ELMO1: variants seen among roughly 807,000 people sequenced by gnomAD.
The protein encoded by ELMO1 is engulfment and cell motility protein 1.
ELMO1 carries 26 observed loss-of-function variants against 98.9 expected under a neutral mutation model. That is an observed-to-expected ratio of 0.26 (90% CI 0.19 to 0.36). The LOEUF (loss-of-function observed/expected upper bound fraction) is 0.36, where lower values mean the gene tolerates loss of function less well. Among genes scored for constraint, ELMO1 ranks in the 10% least tolerant of loss-of-function variants. The pLI is 1.00. For synonymous variants in ELMO1, 346 were observed against 346.0 expected (o/e 1.00, Z 0.00); for missense variants, 627 against 935.2 (o/e 0.67, Z 4.30).
chr7:37,324,535 T>G (rs1799694278), intron 2 of ELMO1, among the ~76,000 whole-genome samples: 1 of 152,238 alleles, frequency 6.6e-6, no homozygotes, highest in African/African-American at 2.4e-5. Flanking sequence ...TTTTATTGAC[T>G]ACGTGTTTTT....
chr7:37,223,935 G>A (rs1038242042), intron 9 of ELMO1, among the ~76,000 whole-genome samples: 1 of 151,194 alleles, frequency 6.6e-6, no homozygotes, highest in Non-Finnish European at 1.5e-5. Flanking sequence ...GGGCCAATTG[G>A]GTTTCCTCTT....
intron 13 of ELMO1, among the ~76,000 whole-genome samples, chr7:37,204,652 C>T (rs949939849): frequency 3.9e-5 from 6 of 152,292 alleles, no homozygotes; most frequent in Non-Finnish European, 7.4e-5. Context: ...CATATCCTGC[C>T]GATTGGTCCA....
At chr7:36,861,623 C>G (rs574522203) in intron 21 of ELMO1, 36 bp downstream of exon 21, 2 of 1,585,726 alleles carry the variant, frequency 1.3e-6, no homozygotes, top group East Asian at 4.5e-5. Context: ...GAAAAGATAA[C>G]ATTATCTCAT....
chr7:37,378,157 G>C (rs10253553), intron 1 of ELMO1, among the ~76,000 whole-genome samples: 27,283 of 152,128 alleles, frequency 0.18, 3,095 homozygotes, highest in East Asian at 0.59. Flanking sequence ...CTGATGGCAT[G>C]GCTGCCACTG....
intron 1 of ELMO1, among the ~76,000 whole-genome samples, chr7:37,394,525 G>C (rs1803212112): frequency 6.6e-6 from 1 of 152,198 alleles, no homozygotes; most frequent in Non-Finnish European, 1.5e-5. Context: ...GAACCCATCT[G>C]CAGAAGGAGA....
Position 36,911,587 on chromosome 7 carries a change from T to G in ELMO1, c.1438-16570A>C, listed in dbSNP as rs1392271234. Among the ~76,000 whole-genome samples, 4 of 152,248 alleles carry G rather than the reference T, an allele frequency of 2.6e-5. No individual in the cohort carries two copies. In the East Asian group the frequency reaches 7.7e-4, roughly 29 times the overall value. On this transcript the variant is annotated intron_variant, in intron 16 of 21. Coordinates refer to ENST00000310758, the MANE Select transcript of ELMO1 (RefSeq NM_014800.11). ...GCTCTTTAAGCAGGTTTATAAATGG[T>G]GAAACTCAAAGCACAGAGAAATGAT...
chr7:37,154,192 C>A (rs1487886595), intron 13 of ELMO1, among the ~76,000 whole-genome samples: 1 of 152,184 alleles, frequency 6.6e-6, no homozygotes, highest in Non-Finnish European at 1.5e-5. Flanking sequence ...TTAGATAAAA[C>A]CACAAAGATG....
intron 15 of ELMO1, among the ~76,000 whole-genome samples, chr7:37,061,260 T>C (rs371694246): frequency 2.6e-5 from 4 of 152,164 alleles, no homozygotes; most frequent in East Asian, 1.9e-4. Flanking sequence ...TAGAGACCAG[T>C]TGGTCTGTCA....
In ELMO1 at chr7:37,029,384, C is replaced by T. The variant is rs1198592121; in HGVS notation, c.1301-15949G>A. 2.0e-5 allele frequency among the ~76,000 whole-genome samples: 3 copies of T among 150,192 alleles called. No homozygotes were observed. The East Asian group carries it at 5.8e-4, about 29-fold the overall frequency. On this transcript the variant is annotated intron_variant, in intron 15 of 21. Transcript: ENST00000310758. ...TTATATCAGTTTGAATCATTACAAA[C>T]AATTCCATGCACACTGATTTCTTTA...
In ELMO1 at chr7:36,876,149, C is replaced by T. The variant is rs143746764; in HGVS notation, c.1822+1861G>A. Among the ~76,000 whole-genome samples the T allele has an allele frequency of 2.8e-3, 419 of 152,326 alleles. 2 individuals are homozygous for T. Among genetic ancestry groups the T allele is most frequent in the African/African-American group, 9.6e-3 (399 of 41,572 alleles). On this transcript the variant is annotated intron_variant, in intron 19 of 21. Transcript: ENST00000310758. ...CCACTGCAGAGCAGTGATTCCACAT[C>T]GCTGGGCTCTGGTCAGTTCCTAGTT...
At chr7:37,174,865 G>C (rs1309288533) in intron 13 of ELMO1, among the ~76,000 whole-genome samples, 1 of 152,112 alleles carries the variant, frequency 6.6e-6, no homozygotes, top group African/African-American at 2.4e-5. Flanking sequence ...AGCTTTCATA[G>C]CCTCTCTTCT....
chr7:37,054,752 A>G (rs187126654), intron 15 of ELMO1, among the ~76,000 whole-genome samples: 9 of 152,252 alleles, frequency 5.9e-5, no homozygotes, highest in Non-Finnish European at 7.4e-5. Context: ...ATTTTATCCA[A>G]CCCCTTGTAG....
chr7:36,925,023 T>C (rs1249081968), intron 16 of ELMO1, among the ~76,000 whole-genome samples: 1 of 152,126 alleles, frequency 6.6e-6, no homozygotes, highest in Non-Finnish European at 1.5e-5. Context: ...GCTACTGGCA[T>C]CTAGTGCGCA....
intron 16 of ELMO1, among the ~76,000 whole-genome samples, chr7:36,943,099 T>C (rs1258386185): frequency 6.6e-6 from 1 of 152,192 alleles, no homozygotes; most frequent in Admixed American, 6.5e-5. Context: ...TGAGGGCTAC[T>C]GCCTCATTCC....
At chr7:37,041,195 AGGGAAAAAC>A (rs916799563) in intron 15 of ELMO1, among the ~76,000 whole-genome samples, 4 of 151,776 alleles carry the variant, frequency 2.6e-5, no homozygotes, top group Non-Finnish European at 4.4e-5. Context: ...TATAGGAAAG[AGGGAAAAAC>A]GACTCTCGTG....
At chr7:36,964,057 T>G (rs916830120) in intron 16 of ELMO1, among the ~76,000 whole-genome samples, 1 of 152,186 alleles carries the variant, frequency 6.6e-6, no homozygotes, top group Non-Finnish European at 1.5e-5. Context: ...CCTATTAAAT[T>G]GAAAGATCCA....
chr7:36,887,521 T>C, intron 18 of ELMO1, 39 bp downstream of exon 18: 1 of 1,597,600 alleles, frequency 6.3e-7, no homozygotes, highest in Non-Finnish European at 8.6e-7. Context: ...GGGCCACTGT[T>C]TACCCTATCC....
intron 21 of ELMO1, 96 bp downstream of exon 21, chr7:36,861,563 C>G (rs1485116396): frequency 2.1e-6 from 3 of 1,398,854 alleles, no homozygotes; most frequent in Non-Finnish European, 2.9e-6. Context: ...ATCATTTTTT[C>G]AGGCAGGTCT....
At chr7:37,428,142 T>C (rs1804786891) in intron 1 of ELMO1, among the ~76,000 whole-genome samples, 2 of 152,144 alleles carry the variant, frequency 1.3e-5, no homozygotes, top group Middle Eastern at 3.4e-3. Context: ...ATTATTAATA[T>C]CATAAACCTC....
Sources: allele counts gnomAD v4.1 joint callset (sites outside exome capture counted in the v4.1 genomes callset), GRCh38; gene constraint gnomAD v4.1.1; transcripts MANE v1.5; gene names NCBI Gene and HGNC (gene_info 2026-07-23, HGNC 2026-07-21).